Variants in DPP6 observed in about 807,000 individuals in gnomAD.
DPP6 encodes dipeptidyl peptidase like 6, also known as A-type potassium channel modulatory protein DPP6.
In DPP6, 69 loss-of-function variants were observed where a neutral mutation model predicts 122.6. The ratio of observed to expected loss-of-function variants is 0.56; its 90% CI spans 0.46 to 0.69. The LOEUF (loss-of-function observed/expected upper bound fraction) is 0.69. Among genes scored for constraint, DPP6 ranks in the 30% least tolerant of loss-of-function variants. The pLI is 0.00. For synonymous variants in DPP6, 418 were observed against 433.1 expected (o/e 0.97, Z 0.43); for missense variants, 928 against 1,116.9 (o/e 0.83, Z 2.41).
In DPP6 at chr7:154,822,905, G is replaced by T. The variant is rs541019722; in HGVS notation, c.1666+15793G>T. Among the ~76,000 whole-genome samples the T allele has an allele frequency of 1.2e-3, 177 of 152,218 alleles. 1 individual carries two copies. Among genetic ancestry groups the T allele is most frequent in the African/African-American group, 4.1e-3 (169 of 41,516 alleles). The stretch of plus-strand genomic sequence containing the variant: ...TTCAGTGAGTATAGGAACTTTGTTT[G>T]ACCCACCACTTTGATCCTGACATCT... On this transcript the variant is annotated intron_variant, in intron 16 of 25. Coordinates refer to ENST00000377770, the MANE Select transcript of DPP6 (RefSeq NM_130797.4).
At chr7:154,679,812 C>T (rs117246096) in intron 7 of DPP6, among the ~76,000 whole-genome samples, 12 of 152,226 alleles carry the variant, frequency 7.9e-5, no homozygotes, top group East Asian at 7.7e-4. Flanking sequence ...TAATATCCCA[C>T]GGATGGAAAT....
intron 1 of DPP6, among the ~76,000 whole-genome samples, chr7:154,088,173 C>T (rs1380353401): frequency 6.6e-6 from 1 of 152,196 alleles, no homozygotes; most frequent in Non-Finnish European, 1.5e-5. Flanking sequence ...TCCACTTGGC[C>T]TAGCAGAGTC....
chr7:154,211,909 A>G (rs1438718726), intron 1 of DPP6, among the ~76,000 whole-genome samples: 2 of 152,120 alleles, frequency 1.3e-5, no homozygotes, highest in South Asian at 4.2e-4. Flanking sequence ...CCCATTATGA[A>G]TTGACGTGGT....
At chr7:154,786,897 GT>G in intron 10 of DPP6, among the ~76,000 whole-genome samples, 2 of 152,224 alleles carry the variant, frequency 1.3e-5, no homozygotes, top group Middle Eastern at 6.8e-3. Flanking sequence ...GGAGCTCTGA[GT>G]CCCCATGATT....
At chr7:153,966,891 G>A (rs1181870596) in intron 1 of DPP6, among the ~76,000 whole-genome samples, 2 of 151,354 alleles carry the variant, frequency 1.3e-5, no homozygotes, top group Non-Finnish European at 2.9e-5. Flanking sequence ...ACATGGAAAA[G>A]CCCCATCTCT....
intron 5 of DPP6, among the ~76,000 whole-genome samples, chr7:154,633,385 C>T (rs559817587): frequency 4.6e-5 from 7 of 152,162 alleles, no homozygotes; most frequent in African/African-American, 1.7e-4. Flanking sequence ...TACAGGCACC[C>T]GCCATCCTGC....
At chr7:154,848,339 CT>C (rs35016203) in intron 16 of DPP6, among the ~76,000 whole-genome samples, 57,338 of 151,282 alleles carry the variant, frequency 0.38, 13,318 homozygotes, top group East Asian at 0.79. Context: ...CACTTGTTAG[CT>C]TTTTTTTCTT....
intron 1 of DPP6, among the ~76,000 whole-genome samples, chr7:154,160,436 C>T (rs541082017): frequency 6.6e-6 from 1 of 152,270 alleles, no homozygotes; most frequent in South Asian, 2.1e-4. Flanking sequence ...AATTATTTTC[C>T]CCTAACAAAC....
At chr7:153,929,131 C>T (rs550306220) in intron 1 of DPP6, among the ~76,000 whole-genome samples, 1 of 152,228 alleles carries the variant, frequency 6.6e-6, no homozygotes, top group South Asian at 2.1e-4. Flanking sequence ...GCCCTGTCTG[C>T]TGTGTTGGGA....
At chr7:154,882,387 ATC>A (rs1318548321) in intron 21 of DPP6, among the ~76,000 whole-genome samples, 1 of 152,178 alleles carries the variant, frequency 6.6e-6, no homozygotes, top group African/African-American at 2.4e-5. Context: ...GAGCATAAGC[ATC>A]TCTGTTTTGT....
chr7:154,141,313 A>G (rs71534103), intron 1 of DPP6, among the ~76,000 whole-genome samples: 104 of 149,214 alleles, frequency 7.0e-4, no homozygotes, highest in African/African-American at 2.4e-3. Flanking sequence ...CAAAAACACC[A>G]TATGCACCTT....
the DPP6 span, among the ~76,000 whole-genome samples, chr7:153,860,246 A>AGG: frequency 6.6e-6 from 1 of 152,196 alleles, no homozygotes; most frequent in Non-Finnish European, 1.5e-5. Flanking sequence ...TTTGACACCT[A>AGG]GGGGAATCTC....
At chr7:154,267,575 A>G (rs1200731370) in intron 1 of DPP6, among the ~76,000 whole-genome samples, 1 of 148,890 alleles carries the variant, frequency 6.7e-6, no homozygotes. Flanking sequence ...ATGTACACAC[A>G]CATATGTGCA....
intron 1 of DPP6, among the ~76,000 whole-genome samples, chr7:154,156,504 T>C (rs1023363452): frequency 2.0e-5 from 3 of 152,076 alleles, no homozygotes; most frequent in Non-Finnish European, 2.9e-5. Context: ...GTAAGTGGAG[T>C]TGATCTTTAT....
At chr7:153,862,903 A>G in the DPP6 span, among the ~76,000 whole-genome samples, 4 of 152,190 alleles carry the variant, frequency 2.6e-5, no homozygotes, top group Non-Finnish European at 1.5e-5. Context: ...TGCAAAAAAA[A>G]TCATGCAAAT....
At chr7:154,000,979 T>A (rs1356869491) in intron 1 of DPP6, among the ~76,000 whole-genome samples, 1 of 152,196 alleles carries the variant, frequency 6.6e-6, no homozygotes, top group Non-Finnish European at 1.5e-5. Flanking sequence ...GACAGGCAGA[T>A]GACAAGGTGG....
intron 17 of DPP6, among the ~76,000 whole-genome samples, chr7:154,860,876 C>T (rs529139885): frequency 1.1e-4 from 16 of 152,268 alleles, no homozygotes; most frequent in Admixed American, 9.2e-4. Flanking sequence ...AGGTTGGGGC[C>T]GTCCAGCAAA....
In DPP6 at chr7:153,918,680, G is replaced by A. The variant is rs184287372; in HGVS notation, c.51+30946G>A. Among the ~76,000 whole-genome samples, 140 of 150,118 alleles carry A rather than the reference G, an allele frequency of 9.3e-4. 1 individual carries two copies. The highest frequency in any genetic ancestry group is 3.3e-3 in the African/African-American group (135 of 40,814). ...GCCAAGCAGACCACTACAGATCATT[G>A]CTTTTCTTAGAAATTACAGCCGGGC... On this transcript the variant is annotated intron_variant, in intron 1 of 25. Coordinates refer to the DPP6 transcript ENST00000404039.
chr7:154,382,391 C>A lies in DPP6; in HGVS notation c.244-63823C>A, dbSNP rs568707386. On this transcript the variant is annotated intron_variant, in intron 1 of 25. Transcript: ENST00000377770. Reference sequence around the variant, plus strand: ...CCCCTTTTGAAATGAGGATTGCTGACGGATGGTGTGCAAACTTTAGAACTT... The same window carrying A: ...CCCCTTTTGAAATGAGGATTGCTGAAGGATGGTGTGCAAACTTTAGAACTT... Among the ~76,000 whole-genome samples the A allele has an allele frequency of 2.6e-5, 4 of 152,136 alleles. No individual in the cohort carries two copies. The South Asian group carries it at 6.2e-4, about 24-fold the overall frequency.
Sources: gnomAD v4.1 joint callset for allele counts (sites outside exome capture counted in the v4.1 genomes callset) on GRCh38, gnomAD v4.1.1 for gene constraint, MANE v1.5 for transcripts, NCBI Gene and HGNC (gene_info 2026-07-23, HGNC 2026-07-21) for gene names.